INKA2: variants seen among roughly 807,000 people sequenced by gnomAD.
The protein encoded by INKA2 is inka box actin regulator 2.
A neutral mutation model predicts 9.8 loss-of-function variants in INKA2; 3 were observed. The ratio of observed to expected loss-of-function variants is 0.31; its 90% CI spans 0.14 to 0.79. The LOEUF (loss-of-function observed/expected upper bound fraction) is 0.79, where lower values mean the gene tolerates loss of function less well. Among genes scored for constraint, INKA2 ranks in the 30% least tolerant of loss-of-function variants. The probability of loss-of-function intolerance (pLI) is 0.62; values close to 1 mark genes in which losing one functional copy is unlikely to be tolerated. For missense variants in INKA2, 392 were observed against 384.4 expected (o/e 1.02, Z -0.17); for synonymous variants, 147 against 143.3 (o/e 1.03, Z -0.18).
chr1:111,730,084 C>T (rs1197417214), intron 1 of INKA2, among the ~76,000 whole-genome samples: 1 of 152,226 alleles, frequency 6.6e-6, no homozygotes, highest in Admixed American at 6.5e-5. Context: ...GACAAGGAGC[C>T]TGTGGGACAG....
In INKA2 at chr1:111,735,393, G is replaced by A. The variant is rs116510132; in HGVS notation, c.57+3793C>T. 3.8e-3 allele frequency among the ~76,000 whole-genome samples: 582 copies of A among 152,312 alleles called. 7 individuals carry two copies. Among genetic ancestry groups the A allele is most frequent in the African/African-American group, 0.013 (546 of 41,556 alleles). On this transcript the variant is annotated intron_variant, in intron 1 of 1. Coordinates refer to ENST00000357260, the MANE Select transcript of INKA2 (RefSeq NM_019099.5). ...TATGTGTGAAAGACAAATAGTTGGC[G>A]AGGCACTTAAATTGTCATTTAATCT...
chr1:111,727,939 A>G, intron 1 of INKA2, 135 bp from the exon 2 acceptor site: 1 of 807,332 alleles, frequency 1.2e-6, no homozygotes, highest in Non-Finnish European at 2.1e-6. Flanking sequence ...CCATCTCTCT[A>G]TAGCCTAGTG....
At chr1:111,729,518 C>T (rs925559798) in intron 1 of INKA2, among the ~76,000 whole-genome samples, 7 of 152,188 alleles carry the variant, frequency 4.6e-5, no homozygotes, top group South Asian at 2.1e-4. Flanking sequence ...TGCAGCGGGG[C>T]GGGGTGGGGG....
upstream of INKA2, among the ~76,000 whole-genome samples, chr1:111,741,873 G>C (rs370927264): frequency 2.0e-5 from 3 of 152,082 alleles, no homozygotes; most frequent in Admixed American, 2.0e-4. Flanking sequence ...ATGCCATCAC[G>C]CCTGGCTAAT....
chr1:111,745,917 A>T (rs1184323763), intron 1 of INKA2: 1 of 152,230 alleles, frequency 6.6e-6, no homozygotes, highest in Non-Finnish European at 1.5e-5. Flanking sequence ...GGAGAGACAT[A>T]TTAGCAAGAG....
intron 1 of INKA2, among the ~76,000 whole-genome samples, chr1:111,749,618 G>C (rs977194945): frequency 1.1e-4 from 16 of 152,162 alleles, no homozygotes; most frequent in African/African-American, 3.6e-4. Flanking sequence ...AGAGACAAAG[G>C]CCTCTTCAAG....
chr1:111,740,971 TAAAAAAAAAAAA>T (rs869221820), upstream of INKA2, among the ~76,000 whole-genome samples: 30 of 38,402 alleles, frequency 7.8e-4, 8 homozygotes, highest in African/African-American at 2.3e-3. Flanking sequence ...AAACTCCGTT[TAAAAAAAAAAAA>T]AAAAAAAAAA....
At chr1:111,745,289 ATATATTT>A (rs1353606978) in intron 1 of INKA2, 4 of 52,690 alleles carry the variant, frequency 7.6e-5, no homozygotes, top group African/African-American at 3.8e-4. Context: ...ATATATATAT[ATATATTT>A]TTTTTTTTTT....
At chr1:111,744,838 T>C (rs536457975) in intron 1 of INKA2, among the ~76,000 whole-genome samples, 3 of 152,236 alleles carry the variant, frequency 2.0e-5, no homozygotes, top group East Asian at 1.9e-4. Flanking sequence ...CCTCGTGCTT[T>C]TACCCATAGT....
upstream of INKA2, among the ~76,000 whole-genome samples, chr1:111,740,505 G>A (rs905238751): frequency 6.6e-6 from 1 of 152,228 alleles, no homozygotes; most frequent in Non-Finnish European, 1.5e-5. Flanking sequence ...CGGAGAGCAC[G>A]GAGAGTAATT....
intron 1 of INKA2, among the ~76,000 whole-genome samples, chr1:111,736,052 G>A (rs1663001511): frequency 6.6e-6 from 1 of 152,180 alleles, no homozygotes; most frequent in Admixed American, 6.5e-5. Flanking sequence ...CCACTTATTG[G>A]CAGCCCACAA....
intron 1 of INKA2, chr1:111,745,293 A>ATATATATATTTTT (rs1358304932): frequency 2.0e-5 from 1 of 49,272 alleles, no homozygotes; most frequent in African/African-American, 7.1e-5. Context: ...ATATATATAT[A>ATATATATATTTTT]TTTTTTTTTT....
intron 1 of INKA2, among the ~76,000 whole-genome samples, chr1:111,749,445 T>TGTGC (rs1491114794): frequency 3.9e-4 from 44 of 113,960 alleles, no homozygotes; most frequent in African/African-American, 1.0e-3. Flanking sequence ...TGTGTGTGTG[T>TGTGC]GCGCGCGCGC....
At chr1:111,737,425 CCA>C (rs1261523676) in intron 1 of INKA2, among the ~76,000 whole-genome samples, 1 of 152,100 alleles carries the variant, frequency 6.6e-6, no homozygotes, top group African/African-American at 2.4e-5. Flanking sequence ...CCAGGAACAC[CCA>C]CAAACCCTCC....
At chr1:111,748,550 T>C (rs1057005352) in intron 1 of INKA2, among the ~76,000 whole-genome samples, 2 of 152,198 alleles carry the variant, frequency 1.3e-5, no homozygotes, top group African/African-American at 4.8e-5. Context: ...GACAGGTACT[T>C]AAGCATCTCA....
At chr1:111,749,900 G>A (rs1386068841) in intron 1 of INKA2, among the ~76,000 whole-genome samples, 4 of 151,884 alleles carry the variant, frequency 2.6e-5, no homozygotes, top group Non-Finnish European at 5.9e-5. Flanking sequence ...GCTGACAGCC[G>A]CTTTATCAAT....
intron 1 of INKA2, among the ~76,000 whole-genome samples, chr1:111,733,123 C>A (rs1662947062): frequency 6.6e-6 from 1 of 152,170 alleles, no homozygotes; most frequent in Admixed American, 6.5e-5. Flanking sequence ...TCCCAGCATT[C>A]CTCCCCAGAC....
In INKA2 at chr1:111,739,389, C is replaced by CA; in HGVS notation, c.-148dup. The stretch of plus-strand genomic sequence containing the variant: ...GAGCCTGCGCTCCGAGCCCGGGACT[C>CA]AGAGTCGCTTCCCCAGCGGCTAGCC... On this transcript the variant is annotated 5_prime_UTR_variant, in exon 1 of 2. Transcript: ENST00000357260. 2.7e-6 allele frequency: 4 copies of CA among 1,492,254 alleles called. No homozygotes were observed. Among genetic ancestry groups the CA allele is most frequent in the South Asian group, 2.6e-5 (2 of 75,752 alleles). 92.4% of individuals were successfully genotyped at this position (1,492,254 alleles called of 1,614,324 possible).
chr1:111,730,874 T>C lies in INKA2; in HGVS notation c.58-3070A>G, dbSNP rs1309397924. ...CCATAAAACACATATTGAATATCAC[T>C]GACCACCCCAGATCACCCTCCAGGC... On this transcript the variant is annotated intron_variant, in intron 1 of 1. Transcript: ENST00000357260. 3.9e-5 allele frequency among the ~76,000 whole-genome samples: 6 copies of C among 152,314 alleles called. No homozygotes were observed. In the East Asian group the frequency reaches 1.2e-3, roughly 29 times the overall value.
Sources: allele counts gnomAD v4.1 joint callset (sites outside exome capture counted in the v4.1 genomes callset), GRCh38; gene constraint gnomAD v4.1.1; transcripts MANE v1.5; gene names NCBI Gene and HGNC (gene_info 2026-07-23, HGNC 2026-07-21).